RPSA2: variants seen among roughly 807,000 people sequenced by gnomAD.
RPSA2 encodes the protein ribosomal protein SA 2.
At chr19:23,787,887 T>C in the RPSA2 span, among the ~76,000 whole-genome samples, 2 of 152,352 alleles carry the variant, frequency 1.3e-5, no homozygotes, top group Non-Finnish European at 2.9e-5. Context: ...ATAGATGATA[T>C]GAGTTTTCTG....
the RPSA2 span, among the ~76,000 whole-genome samples, chr19:23,761,903 T>TCCATC: frequency 2.8e-5 from 1 of 35,594 alleles, no homozygotes; most frequent in African/African-American, 1.0e-4. Context: ...GTAACGTAAT[T>TCCATC]CTTTCTTTCT....
chr19:23,839,578 A>C, the RPSA2 span, among the ~76,000 whole-genome samples: 1 of 152,348 alleles, frequency 6.6e-6, no homozygotes, highest in South Asian at 2.1e-4. Context: ...CCCACCTGTG[A>C]AGTGTTCAAG....
the RPSA2 span, among the ~76,000 whole-genome samples, chr19:23,840,367 G>T: frequency 6.6e-6 from 1 of 152,104 alleles, no homozygotes; most frequent in Admixed American, 6.5e-5. Context: ...TTTATACCGT[G>T]AAATATTGAA....
the RPSA2 span, among the ~76,000 whole-genome samples, chr19:23,868,535 C>A: frequency 6.6e-6 from 1 of 152,118 alleles, no homozygotes; most frequent in Non-Finnish European, 1.5e-5. Flanking sequence ...GATTGGACAC[C>A]AGCCACCACC....
the RPSA2 span, among the ~76,000 whole-genome samples, chr19:23,856,859 G>T: frequency 1.3e-5 from 2 of 152,112 alleles, no homozygotes; most frequent in Non-Finnish European, 2.9e-5. Flanking sequence ...CAAAGATCAC[G>T]TGCTTCAAAG....
the RPSA2 span, among the ~76,000 whole-genome samples, chr19:23,859,277 T>A: frequency 6.6e-6 from 1 of 152,298 alleles, no homozygotes; most frequent in Non-Finnish European, 1.5e-5. Flanking sequence ...TGTTAGAAAA[T>A]TCTTGTTTCC....
the RPSA2 span, among the ~76,000 whole-genome samples, chr19:23,805,252 C>T: frequency 1.3e-5 from 2 of 152,072 alleles, no homozygotes; most frequent in African/African-American, 2.4e-5. Flanking sequence ...GCAACCTCCA[C>T]CTCCCGCGTT....
the RPSA2 span, among the ~76,000 whole-genome samples, chr19:23,839,016 G>T: frequency 1.3e-5 from 2 of 151,448 alleles, no homozygotes; most frequent in Admixed American, 1.3e-4. Context: ...ATTTGTTCTT[G>T]TTTCTCTAGT....
At chr19:23,766,746 G>C in the RPSA2 span, among the ~76,000 whole-genome samples, 1 of 129,912 alleles carries the variant, frequency 7.7e-6, no homozygotes, top group East Asian at 2.5e-4. Context: ...GAGCCACCGT[G>C]CCGGGCCAAA....
the RPSA2 span, among the ~76,000 whole-genome samples, chr19:23,859,991 G>A: frequency 5.3e-5 from 8 of 152,090 alleles, no homozygotes; most frequent in African/African-American, 9.7e-5. Flanking sequence ...GGGCTCAAAA[G>A]TCTCTTAAAA....
At chr19:23,860,947 T>G in the RPSA2 span, among the ~76,000 whole-genome samples, 13 of 152,260 alleles carry the variant, frequency 8.5e-5, no homozygotes, top group East Asian at 2.5e-3. Context: ...TGACCCCATC[T>G]CAAACACACT....
chr19:23,759,316 T>A, the RPSA2 span, among the ~76,000 whole-genome samples: 3 of 152,078 alleles, frequency 2.0e-5, no homozygotes, highest in African/African-American at 7.2e-5. Context: ...CTGGATGGGC[T>A]TGATGCCCGT....
the RPSA2 span, among the ~76,000 whole-genome samples, chr19:23,792,748 C>G: frequency 3.3e-5 from 5 of 151,706 alleles, no homozygotes; most frequent in Admixed American, 3.3e-4. Flanking sequence ...CTCCTGACCT[C>G]GTGATCTGCC....
the RPSA2 span, chr19:23,832,837 T>C: frequency 7.6e-6 from 12 of 1,577,300 alleles, 1 homozygote; most frequent in South Asian, 1.3e-4. Flanking sequence ...TTTCAGCCAG[T>C]CCTCAACCCT....
chr19:23,845,488 A>AT, the RPSA2 span, among the ~76,000 whole-genome samples: 1 of 151,538 alleles, frequency 6.6e-6, no homozygotes, highest in African/African-American at 2.4e-5. Flanking sequence ...CACATTTTTA[A>AT]TTTTCATCTT....
At chr19:23,839,210 G>A in the RPSA2 span, among the ~76,000 whole-genome samples, 1 of 152,160 alleles carries the variant, frequency 6.6e-6, no homozygotes, top group Non-Finnish European at 1.5e-5. Context: ...TCATTAAGGA[G>A]CAGATTATTT....
chr19:23,821,166 A>G, the RPSA2 span, among the ~76,000 whole-genome samples: 1 of 152,196 alleles, frequency 6.6e-6, no homozygotes. Context: ...GATTAATGTT[A>G]TAACTCAGTG....
the RPSA2 span, among the ~76,000 whole-genome samples, chr19:23,816,359 C>G: frequency 6.6e-6 from 1 of 152,130 alleles, no homozygotes; most frequent in Non-Finnish European, 1.5e-5. Flanking sequence ...TGTTCTCAAT[C>G]TTCTGAGATC....
chr19:23,861,741 T>A, the RPSA2 span, among the ~76,000 whole-genome samples: 6 of 152,182 alleles, frequency 3.9e-5, no homozygotes, highest in East Asian at 1.9e-4. Context: ...AAGGTCTAAC[T>A]TTTGTGGTCA....
Sources: allele counts gnomAD v4.1 joint callset (sites outside exome capture counted in the v4.1 genomes callset), GRCh38; gene constraint gnomAD v4.1.1; transcripts MANE v1.5; gene names NCBI Gene and HGNC (gene_info 2026-07-23, HGNC 2026-07-21).